Variants in MAP3K1 observed in about 807,000 individuals in gnomAD.
The protein encoded by MAP3K1 is mitogen-activated protein kinase kinase kinase 1, also known as MAP/ERK kinase kinase 1.
MAP3K1 carries 36 observed loss-of-function variants against 144.2 expected under a neutral mutation model. The observed-to-expected ratio is 0.25, with a 90% CI of 0.19 to 0.33. The LOEUF (loss-of-function observed/expected upper bound fraction) is 0.33. MAP3K1 is among the 10% of genes least tolerant of loss of function. The pLI, the probability that MAP3K1 is intolerant of heterozygous loss-of-function variation, is 1.00. For missense variants in MAP3K1, 1,650 were observed against 1,881.9 expected, an observed-to-expected ratio of 0.88 and a Z score of 2.28; for synonymous variants, 718 against 688.7, an observed-to-expected ratio of 1.04 and a Z score of -0.67.
intron 1 of MAP3K1, among the ~76,000 whole-genome samples, chr5:56,816,741 C>G (rs1319541215): frequency 1.3e-5 from 2 of 152,204 alleles, no homozygotes; most frequent in South Asian, 4.1e-4. Context: ...TGCACACTCG[C>G]GGAGGCTTGC....
rs549176950 is a variant in MAP3K1, at chr5:56,878,169, A to G, written c.1966-811A>G. 5.4e-4 allele frequency among the ~76,000 whole-genome samples: 82 copies of G among 152,220 alleles called. 1 individual carries two copies. The South Asian group carries it at 0.015, about 28-fold the overall frequency. The stretch of plus-strand genomic sequence containing the variant: ...TACTTTGAGATTATGCAAATACCCT[A>G]TTTCACCTCAAAATTTTGTCCACTG... On this transcript the variant is annotated intron_variant, in intron 10 of 19. Coordinates refer to ENST00000399503, the MANE Select transcript of MAP3K1 (RefSeq NM_005921.2).
intron 15 of MAP3K1, among the ~76,000 whole-genome samples, chr5:56,884,026 G>A (rs1231804236): frequency 4.6e-5 from 7 of 152,110 alleles, no homozygotes; most frequent in Non-Finnish European, 1.0e-4. Flanking sequence ...GTAGGCACCT[G>A]TAGTCCCAGC....
At chr5:56,828,876 A>T (rs1334257306) in intron 1 of MAP3K1, among the ~76,000 whole-genome samples, 1 of 68,756 alleles carries the variant, frequency 1.5e-5, no homozygotes, top group Non-Finnish European at 4.0e-5. Context: ...ATAAACATGT[A>T]TGCATCTTTT....
In MAP3K1 at chr5:56,875,089, A is replaced by G. The variant is rs1156410541; in HGVS notation, c.1744A>G (p.Met582Val). 2 of 1,614,196 alleles carry G rather than the reference A, an allele frequency of 1.2e-6. No individual in the cohort carries two copies. Among genetic ancestry groups the G allele is most frequent in the South Asian group, 1.1e-5 (1 of 91,092 alleles). Residue 582 changes from methionine to valine, a missense_variant, in exon 10 of 20, where the codon ATG (methionine) becomes GTG (valine). Physicochemically the swap from Met to Val is conservative, Grantham distance 21. Coordinates refer to ENST00000399503, the MANE Select transcript of MAP3K1 (RefSeq NM_005921.2). ...LFSRNWNVRE[M>V]ALRRLSHDVS... ...TTCTAGAAACTGGAATGTGAGAGAGATGGCCCTCAGGCGTCTTTCCCATGA... is the reference window on the plus strand; with the variant it reads ...TTCTAGAAACTGGAATGTGAGAGAGGTGGCCCTCAGGCGTCTTTCCCATGA...
intron 1 of MAP3K1, among the ~76,000 whole-genome samples, chr5:56,841,123 G>A (rs1746799506): frequency 6.6e-6 from 1 of 151,662 alleles, no homozygotes. Flanking sequence ...CCAGCCCTTT[G>A]GGAGGCCAAG....
rs1362672855 is a variant in MAP3K1, at chr5:56,885,929, T to C, written c.3983-3T>C. On this transcript the variant is annotated splice_polypyrimidine_tract_variant and splice_region_variant and intron_variant, in intron 16 of 19. Coordinates refer to ENST00000399503, the MANE Select transcript of MAP3K1 (RefSeq NM_005921.2). ...TATGATAATTATTTCTATTGTCTTA[T>C]AGGGGGATCGGTGGCTCATTTGCTG... The C allele has an allele frequency of 1.9e-6, 3 of 1,611,146 alleles. No individual in the cohort carries two copies. The highest frequency in any genetic ancestry group is 2.2e-5 in the South Asian group (2 of 91,032).
At chr5:56,830,260 A>G (rs1050844280) in intron 1 of MAP3K1, among the ~76,000 whole-genome samples, 1 of 152,224 alleles carries the variant, frequency 6.6e-6, no homozygotes, top group South Asian at 2.1e-4. Flanking sequence ...TTAAAATGTC[A>G]TATATTTTAA....
chr5:56,854,327 G>A (rs1011578358), intron 1 of MAP3K1, among the ~76,000 whole-genome samples: 4 of 149,168 alleles, frequency 2.7e-5, no homozygotes, highest in African/African-American at 9.9e-5. Context: ...TAGCTACTTG[G>A]AAGGCTGAGG....
chr5:56,825,047 G>A (rs1190254320), intron 1 of MAP3K1, among the ~76,000 whole-genome samples: 1 of 151,292 alleles, frequency 6.6e-6, no homozygotes, highest in Non-Finnish European at 1.5e-5. Flanking sequence ...CGCTCTTGTT[G>A]CCCAGGCTGG....
intron 1 of MAP3K1, among the ~76,000 whole-genome samples, chr5:56,840,206 G>T (rs1746770613): frequency 6.6e-6 from 1 of 152,194 alleles, no homozygotes; most frequent in Admixed American, 6.5e-5. Flanking sequence ...GGAGTACAGT[G>T]CCCTGATCTC....
chr5:56,820,569 C>A, intron 1 of MAP3K1: 1 of 985,150 alleles, frequency 1.0e-6, no homozygotes, highest in Non-Finnish European at 1.2e-6. Context: ...GAGGGTTAGT[C>A]ATTAGTGTTG....
intron 6 of MAP3K1, among the ~76,000 whole-genome samples, chr5:56,868,206 GGA>G (rs1395378687): frequency 6.6e-6 from 1 of 151,870 alleles, no homozygotes; most frequent in Non-Finnish European, 1.5e-5. Context: ...TAAATGAACG[GGA>G]TGGCTATGTT....
intron 1 of MAP3K1, among the ~76,000 whole-genome samples, chr5:56,827,282 C>T (rs546637765): frequency 3.0e-4 from 46 of 152,238 alleles, no homozygotes; most frequent in Admixed American, 1.1e-3. Flanking sequence ...TGAATCTCAG[C>T]GCTTAGGACA....
chr5:56,873,287 G>T (rs1256718579), intron 9 of MAP3K1, among the ~76,000 whole-genome samples: 1 of 152,194 alleles, frequency 6.6e-6, no homozygotes, highest in Non-Finnish European at 1.5e-5. Flanking sequence ...TAGAAGGATA[G>T]AAACCAGAAC....
Position 56,894,063 on chromosome 5 carries a change from T to C in MAP3K1, c.*383T>C. 1 of 358,426 alleles carries C rather than the reference T, an allele frequency of 2.8e-6. No individual in the cohort carries two copies. Among genetic ancestry groups the C allele is most frequent in the Non-Finnish European group, 5.2e-6 (1 of 191,694 alleles). 22.2% of individuals were successfully genotyped at this position (358,426 alleles called of 1,614,324 possible). A position where few individuals can be genotyped will look rare whatever the true frequency, so the allele number is the denominator to read the frequency against. Reference sequence around the variant, plus strand: ...TCAATTATTCTTCCATTTCATATAGTGATCACAAGCAGGGGGTTCTGCAAT... The same window carrying C: ...TCAATTATTCTTCCATTTCATATAGCGATCACAAGCAGGGGGTTCTGCAAT... On this transcript the variant is annotated 3_prime_UTR_variant, in exon 20 of 20. Coordinates refer to ENST00000399503, the MANE Select transcript of MAP3K1 (RefSeq NM_005921.2).
chr5:56,819,814 C>G (rs1746099968), intron 1 of MAP3K1, among the ~76,000 whole-genome samples: 1 of 152,196 alleles, frequency 6.6e-6, no homozygotes, highest in African/African-American at 2.4e-5. Flanking sequence ...TAGTCCTTGC[C>G]TCTTTCTATA....
At position 56,856,601 on chromosome 5, in the gene MAP3K1, C is replaced by T. The variant is rs778331321; in HGVS notation, c.484C>T (p.Arg162Cys). Residue 162 changes from arginine (R) to cysteine (C), a missense_variant and splice_region_variant, in exon 2 of 20, where the codon CGT (arginine) becomes TGT (cysteine). Arg to Cys is a radical substitution (Grantham distance 180, BLOSUM62 -3). Transcript: ENST00000399503. ...EPSPAAAPAG[R>C]EMENKETLKG... ...TATTTGTTTCTGCCTGCATTTTAGT[C>T]GTGAGATGGAGAATAAAGAAACTCT... 35 of 1,611,912 alleles carry T rather than the reference C, an allele frequency of 2.2e-5. No individual in the cohort carries two copies. Among genetic ancestry groups the T allele is most frequent in the African/African-American group, 8.0e-5 (6 of 74,782 alleles).
At position 56,881,872 on chromosome 5, in the gene MAP3K1, A is replaced by T. The variant is rs768354073; in HGVS notation, c.2672A>T (p.Asn891Ile). 15 of 1,614,142 alleles carry T rather than the reference A, an allele frequency of 9.3e-6. No homozygotes were observed. The South Asian group carries it at 1.6e-4, about 18-fold the overall frequency. ...AGCTTCTTGCAGGCATCTGTTCCCA[A>T]CAACTATCTGGAAACCACAGAGAAC... ...QDSFLQASVP[N>I]NYLETTENSS... The change falls in exon 14 of 20, where the codon AAC becomes ATC. Residue 891 changes from asparagine to isoleucine, a missense_variant. Transcript: ENST00000399503.
intron 19 of MAP3K1, among the ~76,000 whole-genome samples, chr5:56,890,359 G>T (rs1292191099): frequency 6.6e-6 from 1 of 152,156 alleles, no homozygotes; most frequent in Non-Finnish European, 1.5e-5. Context: ...TTCCTAGGTA[G>T]AGTTTAAAGA....
Sources: allele counts gnomAD v4.1 joint callset (sites outside exome capture counted in the v4.1 genomes callset), GRCh38; gene constraint gnomAD v4.1.1; transcripts MANE v1.5; gene names NCBI Gene and HGNC (gene_info 2026-07-23, HGNC 2026-07-21).